Variants in CIMIP6 observed in about 807,000 individuals in gnomAD.
CIMIP6 encodes ciliary microtubule inner protein 6.
At chr2:54,363,892 G>T in the CIMIP6 span, among the ~76,000 whole-genome samples, 1 of 152,152 alleles carries the variant, frequency 6.6e-6, no homozygotes, top group African/African-American at 2.4e-5. Context: ...TGTCACTGAG[G>T]ATTGACACAG....
the CIMIP6 span, among the ~76,000 whole-genome samples, chr2:54,380,935 G>A: frequency 1.3e-5 from 2 of 152,214 alleles, no homozygotes; most frequent in Non-Finnish European, 2.9e-5. Context: ...TTGACTACGG[G>A]TTAAGAATGC....
chr2:54,342,697 C>A, the CIMIP6 span, among the ~76,000 whole-genome samples: 1 of 151,612 alleles, frequency 6.6e-6, no homozygotes, highest in Non-Finnish European at 1.5e-5. Flanking sequence ...ATTAGAATTG[C>A]ATATTTATCC....
chr2:54,359,345 C>T, the CIMIP6 span, among the ~76,000 whole-genome samples: 4 of 152,082 alleles, frequency 2.6e-5, no homozygotes, highest in Non-Finnish European at 5.9e-5. Context: ...GCCGTAATTG[C>T]ACCACTGCAT....
chr2:54,368,093 G>A, the CIMIP6 span, among the ~76,000 whole-genome samples: 1 of 152,122 alleles, frequency 6.6e-6, no homozygotes, highest in Non-Finnish European at 1.5e-5. Flanking sequence ...CAATTTTCAT[G>A]ACTAGAATAT....
chr2:54,377,701 G>A, the CIMIP6 span, among the ~76,000 whole-genome samples: 2 of 152,186 alleles, frequency 1.3e-5, no homozygotes. Context: ...ATGTTTGTGT[G>A]GCAACAGTAG....
chr2:54,331,680 C>T, the CIMIP6 span, among the ~76,000 whole-genome samples: 4 of 151,984 alleles, frequency 2.6e-5, no homozygotes. Flanking sequence ...TTCCCACCCC[C>T]GAGACACACA....
At chr2:54,383,712 A>AAAC in the CIMIP6 span, 186 of 152,070 alleles carry the variant, frequency 1.2e-3, no homozygotes, top group African/African-American at 4.3e-3. Flanking sequence ...TAAAAAAAAA[A>AAAC]AAACTACATT....
chr2:54,381,273 TG>T, the CIMIP6 span, among the ~76,000 whole-genome samples: 1 of 152,200 alleles, frequency 6.6e-6, no homozygotes, highest in South Asian at 2.1e-4. Context: ...TTGTTCATGC[TG>T]GTTCTAATCT....
the CIMIP6 span, among the ~76,000 whole-genome samples, chr2:54,331,610 T>C: frequency 6.6e-6 from 1 of 152,128 alleles, no homozygotes; most frequent in Non-Finnish European, 1.5e-5. Context: ...TGCTATCATC[T>C]GCAGTGATAA....
At chr2:54,375,473 TGGTAAG>T in the CIMIP6 span, among the ~76,000 whole-genome samples, 2 of 152,200 alleles carry the variant, frequency 1.3e-5, no homozygotes, top group Admixed American at 1.3e-4. Flanking sequence ...TATACAATGT[TGGTAAG>T]GGTAAGGGGG....
the CIMIP6 span, among the ~76,000 whole-genome samples, chr2:54,382,756 C>T: frequency 3.3e-5 from 5 of 152,180 alleles, no homozygotes; most frequent in Non-Finnish European, 5.9e-5. Context: ...GACCATGTGG[C>T]GGATTTATGC....
the CIMIP6 span, among the ~76,000 whole-genome samples, chr2:54,365,157 G>A: frequency 6.6e-6 from 1 of 152,320 alleles, no homozygotes; most frequent in East Asian, 1.9e-4. Flanking sequence ...CTGGGAATTA[G>A]GGGAGGTAGT....
At chr2:54,381,438 TAC>T in the CIMIP6 span, among the ~76,000 whole-genome samples, 52 of 152,384 alleles carry the variant, frequency 3.4e-4, no homozygotes, top group Admixed American at 1.2e-3. Flanking sequence ...CTAAGTAGTT[TAC>T]CTATGTTTTC....
At chr2:54,362,101 T>G in the CIMIP6 span, among the ~76,000 whole-genome samples, 1 of 152,186 alleles carries the variant, frequency 6.6e-6, no homozygotes. Flanking sequence ...CATGTAAGAC[T>G]TCTCTTAGGA....
At chr2:54,353,235 G>A in the CIMIP6 span, among the ~76,000 whole-genome samples, 1 of 152,134 alleles carries the variant, frequency 6.6e-6, no homozygotes, top group African/African-American at 2.4e-5. Flanking sequence ...TGCCCCAACT[G>A]TTACTGTCAC....
At chr2:54,376,467 C>G in the CIMIP6 span, among the ~76,000 whole-genome samples, 1 of 152,134 alleles carries the variant, frequency 6.6e-6, no homozygotes, top group Non-Finnish European at 1.5e-5. Context: ...GCTTTGTGGC[C>G]CCTCTCTTGG....
At chr2:54,356,676 C>A in the CIMIP6 span, among the ~76,000 whole-genome samples, 2 of 152,278 alleles carry the variant, frequency 1.3e-5, no homozygotes, top group African/African-American at 4.8e-5. Flanking sequence ...ACAAACACTG[C>A]CCTTAATTTT....
the CIMIP6 span, among the ~76,000 whole-genome samples, chr2:54,367,613 G>A: frequency 6.6e-6 from 1 of 152,058 alleles, no homozygotes; most frequent in African/African-American, 2.4e-5. Context: ...AAGGAACATG[G>A]CCCTAGGAAA....
At chr2:54,361,536 T>C in the CIMIP6 span, 1 of 152,358 alleles carries the variant, frequency 6.6e-6, no homozygotes, top group East Asian at 1.9e-4. Flanking sequence ...CAGCTATATC[T>C]TTATCCATTT....
Sources: gnomAD v4.1 joint callset for allele counts (sites outside exome capture counted in the v4.1 genomes callset) on GRCh38, gnomAD v4.1.1 for gene constraint, MANE v1.5 for transcripts, NCBI Gene and HGNC (gene_info 2026-07-23, HGNC 2026-07-21) for gene names.